CNTN3: variants seen among roughly 807,000 people sequenced by gnomAD.
The protein encoded by CNTN3 is contactin-3.
In CNTN3, 60 loss-of-function variants were observed where a neutral mutation model predicts 119.1. That is an observed-to-expected ratio of 0.50 (90% CI 0.41 to 0.62). The LOEUF is 0.62. Among genes scored for constraint, CNTN3 ranks in the 20% least tolerant of loss-of-function variants. CNTN3 has a pLI of 0.00. For synonymous variants in CNTN3, 450 were observed against 438.7 expected, an observed-to-expected ratio of 1.03 and a Z score of -0.32; for missense variants, 1,101 against 1,242.4, an observed-to-expected ratio of 0.89 and a Z score of 1.71.
chr3:74,327,257 T>C (rs1703157007), intron 13 of CNTN3, among the ~76,000 whole-genome samples: 3 of 151,816 alleles, frequency 2.0e-5, no homozygotes, highest in Admixed American at 2.0e-4. Context: ...GCCTCTCGAG[T>C]AGCTGTGATT....
intron 19 of CNTN3, among the ~76,000 whole-genome samples, chr3:74,293,064 C>A (rs988792287): frequency 6.6e-6 from 1 of 152,238 alleles, no homozygotes; most frequent in Admixed American, 6.5e-5. Flanking sequence ...TCTGATCAGG[C>A]TTCTCTGTCA....
intron 2 of CNTN3, among the ~76,000 whole-genome samples, chr3:74,515,399 A>G (rs191354101): frequency 9.2e-5 from 14 of 152,040 alleles, no homozygotes; most frequent in Non-Finnish European, 1.6e-4. Flanking sequence ...CTCTTTCCAC[A>G]CTGGTGAGCA....
chr3:74,454,768 T>A (rs558225193), intron 4 of CNTN3, among the ~76,000 whole-genome samples: 1 of 152,254 alleles, frequency 6.6e-6, no homozygotes, highest in South Asian at 2.1e-4. Context: ...CCTTCACTTA[T>A]GAAGCTTAGT....
At chr3:74,469,482 A>G (rs188661773) in intron 4 of CNTN3, among the ~76,000 whole-genome samples, 22 of 152,338 alleles carry the variant, frequency 1.4e-4, no homozygotes, top group African/African-American at 5.1e-4. Context: ...GAAGTCATAA[A>G]GAATTCCAAC....
intron 3 of CNTN3, among the ~76,000 whole-genome samples, chr3:74,487,838 C>T (rs77986969): frequency 0.026 from 3,983 of 152,056 alleles, 180 homozygotes; most frequent in East Asian, 0.23. Flanking sequence ...ATGGCTGACT[C>T]AAGCAATGGT....
chr3:74,547,702 T>C (rs1016626540), intron 1 of CNTN3, among the ~76,000 whole-genome samples: 2 of 152,180 alleles, frequency 1.3e-5, no homozygotes, highest in Non-Finnish European at 2.9e-5. Flanking sequence ...GACATATTTG[T>C]ACACTATAGA....
At chr3:74,473,962 A>C (rs1702609906) in intron 4 of CNTN3, among the ~76,000 whole-genome samples, 1 of 152,158 alleles carries the variant, frequency 6.6e-6, no homozygotes, top group Admixed American at 6.5e-5. Context: ...AAACCATTGG[A>C]GGTTTTGTCC....
intron 1 of CNTN3, among the ~76,000 whole-genome samples, chr3:74,537,531 A>G (rs1703783412): frequency 2.6e-5 from 4 of 152,156 alleles, no homozygotes; most frequent in African/African-American, 9.7e-5. Context: ...CTAACTGTCA[A>G]TAACAAGACT....
At chr3:74,592,846 C>A (rs1307372189) in intron 1 of CNTN3, among the ~76,000 whole-genome samples, 1 of 151,818 alleles carries the variant, frequency 6.6e-6, no homozygotes, top group Non-Finnish European at 1.5e-5. Flanking sequence ...TGTGTAAACT[C>A]CCCAAAAAGA....
intron 4 of CNTN3, among the ~76,000 whole-genome samples, chr3:74,455,626 T>C (rs1353586936): frequency 6.6e-6 from 1 of 152,078 alleles, no homozygotes; most frequent in Non-Finnish European, 1.5e-5. Flanking sequence ...CCCATCTTTG[T>C]GGTTTTATCT....
chr3:74,440,466 G>C (rs1701944093), intron 4 of CNTN3, among the ~76,000 whole-genome samples: 1 of 139,004 alleles, frequency 7.2e-6, no homozygotes, highest in Admixed American at 7.7e-5. Context: ...CCAACTTAAA[G>C]CTTAAAAAGC....
At chr3:74,388,582 C>T (rs919891532) in intron 5 of CNTN3, among the ~76,000 whole-genome samples, 10 of 151,952 alleles carry the variant, frequency 6.6e-5, no homozygotes, top group East Asian at 3.9e-4. Flanking sequence ...AAAATAAATC[C>T]CAGTAATTAT....
intron 13 of CNTN3, among the ~76,000 whole-genome samples, chr3:74,331,219 G>T (rs1269752330): frequency 2.0e-5 from 3 of 152,060 alleles, no homozygotes; most frequent in Non-Finnish European, 4.4e-5. Context: ...GCACCTTTTT[G>T]AAAATCCTTT....
At chr3:74,556,840 G>T (rs9850402) in intron 1 of CNTN3, among the ~76,000 whole-genome samples, 139,584 of 152,264 alleles carry the variant, frequency 0.92, 64,018 homozygotes, top group East Asian at 0.93. Flanking sequence ...GTCTTAATGG[G>T]TGTGAAATAT....
intron 5 of CNTN3, among the ~76,000 whole-genome samples, chr3:74,381,389 AC>A (rs1265291794): frequency 1.3e-5 from 2 of 152,178 alleles, no homozygotes; most frequent in Admixed American, 1.3e-4. Flanking sequence ...AATAAACATG[AC>A]AAAAAAATGC....
intron 4 of CNTN3, among the ~76,000 whole-genome samples, chr3:74,450,369 G>C (rs1702126289): frequency 6.6e-6 from 1 of 151,932 alleles, no homozygotes; most frequent in Non-Finnish European, 1.5e-5. Context: ...ACTTTGGAAA[G>C]TTTGATAAAT....
At chr3:74,521,582 C>T (rs945434829) in intron 1 of CNTN3, among the ~76,000 whole-genome samples, 4 of 151,712 alleles carry the variant, frequency 2.6e-5, no homozygotes, top group Admixed American at 1.3e-4. Context: ...TATCTTGAAG[C>T]ACTAATTTTT....
chr3:74,564,728 G>A (rs898474488), intron 1 of CNTN3, among the ~76,000 whole-genome samples: 1 of 151,944 alleles, frequency 6.6e-6, no homozygotes, highest in African/African-American at 2.4e-5. Flanking sequence ...TGTTCTTAAT[G>A]TTCTTGGCTG....
At chr3:74,470,867 T>C (rs1396709169) in intron 4 of CNTN3, among the ~76,000 whole-genome samples, 2 of 100,764 alleles carry the variant, frequency 2.0e-5, no homozygotes, top group Admixed American at 9.4e-5. Context: ...ACATATTCGG[T>C]TTTTTGTTGT....
Sources: gnomAD v4.1 joint callset for allele counts (sites outside exome capture counted in the v4.1 genomes callset) on GRCh38, gnomAD v4.1.1 for gene constraint, MANE v1.5 for transcripts, NCBI Gene and HGNC (gene_info 2026-07-23, HGNC 2026-07-21) for gene names.